VPS13D: variants seen among roughly 807,000 people sequenced by gnomAD.
VPS13D encodes the protein vacuolar protein sorting 13 homolog D.
Under a neutral mutation model 461.9 loss-of-function variants are expected in VPS13D, and 187 were observed. The observed-to-expected ratio is 0.40, with a 90% CI of 0.36 to 0.46. VPS13D has a LOEUF of 0.46. VPS13D is among the 20% of genes least tolerant of loss of function. VPS13D has a pLI of 0.60. For missense variants in VPS13D, 4,711 were observed against 5,364.9 expected (o/e 0.88, Z 3.81); for synonymous variants, 1,951 against 1,986.3 (o/e 0.98, Z 0.47).
rs140680709 is a variant in VPS13D, at chr1:12,477,518, C to G, written c.12662+17122C>G. Among the ~76,000 whole-genome samples, 665 of 152,278 alleles carry G rather than the reference C, an allele frequency of 4.4e-3. 3 individuals are homozygous for G. Among genetic ancestry groups the G allele is most frequent in the African/African-American group, 0.015 (631 of 41,560 alleles). Reference sequence around the variant, plus strand: ...TCTGTAGTGAGTTGTAAATGTGCCACTCTAGAACATTCCAGGAAAGCCCTC... The same window carrying G: ...TCTGTAGTGAGTTGTAAATGTGCCAGTCTAGAACATTCCAGGAAAGCCCTC... On this transcript the variant is annotated intron_variant, in intron 67 of 69. Coordinates refer to ENST00000620676, the MANE Select transcript of VPS13D (RefSeq NM_015378.4).
At chr1:12,431,127 A>G (rs1409946418) in intron 65 of VPS13D, among the ~76,000 whole-genome samples, 1 of 152,246 alleles carries the variant, frequency 6.6e-6, no homozygotes, top group Non-Finnish European at 1.5e-5. Flanking sequence ...CCTAGTTTTA[A>G]TAATATTTCA....
At chr1:12,451,211 C>T (rs568279530) in intron 65 of VPS13D, among the ~76,000 whole-genome samples, 1 of 152,338 alleles carries the variant, frequency 6.6e-6, no homozygotes, top group African/African-American at 2.4e-5. Flanking sequence ...GCCCCAAACC[C>T]AGGCTAATTT....
intron 56 of VPS13D, 42 bp from the exon 57 acceptor site, chr1:12,379,446 G>T: frequency 1.3e-6 from 2 of 1,576,246 alleles, no homozygotes; most frequent in South Asian, 2.3e-5. Flanking sequence ...TGAAACAGTT[G>T]ACTCGGAGGT....
At chr1:12,230,397 C>T (rs868083651) in intron 1 of VPS13D, among the ~76,000 whole-genome samples, 1 of 152,124 alleles carries the variant, frequency 6.6e-6, no homozygotes, top group Non-Finnish European at 1.5e-5. Context: ...AGGCTCGGGG[C>T]TGGCTGAACC....
Position 12,321,821 on chromosome 1 carries a change from C to T in VPS13D, c.7561C>T (p.Arg2521Ter), listed in dbSNP as rs2101530038. 3.1e-6 allele frequency: 5 copies of T among 1,599,064 alleles called. No homozygotes were observed. Among genetic ancestry groups the T allele is most frequent in the Non-Finnish European group, 4.3e-6 (5 of 1,175,638 alleles). Residue 2521 changes from arginine to a stop codon, truncating the protein, a stop_gained, in exon 33 of 70, where the codon CGA (arginine) becomes TGA (stop). Coordinates refer to ENST00000620676, the MANE Select transcript of VPS13D (RefSeq NM_015378.4). LOFTEE classifies it high-confidence loss of function. ...TTTCATTCTGTAGGTGTTTTCATGC[C>T]GACTAGGGAATGAGCATGATACAGC... ...SLFGIEVFSC[R>*]LGNEHDTALS...
rs753859871 is a variant in VPS13D at position 12,283,753 on chromosome 1, T to C, written c.5634+17T>C. 6.3e-7 allele frequency: 1 copy of C among 1,596,062 alleles called. No homozygotes were observed. The highest frequency in any genetic ancestry group is 8.5e-7 in the Non-Finnish European group (1 of 1,169,964). ...GATCTCAAGGTATCCTCAGTTCCCT[T>C]TGGCTCCCTTAAGCTCTAAAAATGG... is the stretch of plus-strand genomic sequence containing the variant. On this transcript the variant is annotated intron_variant, in intron 21 of 69. Transcript: ENST00000620676.
chr1:12,243,816 A>G (rs936588652), intron 3 of VPS13D, among the ~76,000 whole-genome samples: 12 of 152,192 alleles, frequency 7.9e-5, no homozygotes, highest in Admixed American at 7.2e-4. Flanking sequence ...GGGTATGTTC[A>G]AGATTGAATA....
intron 35 of VPS13D, among the ~76,000 whole-genome samples, chr1:12,324,540 C>T (rs1643129939): frequency 2.6e-5 from 4 of 152,120 alleles, no homozygotes; most frequent in Admixed American, 2.0e-4. Context: ...TGACTGGGTT[C>T]AGATCCTTAC....
chr1:12,305,428 T>A (rs1025902202), intron 26 of VPS13D, among the ~76,000 whole-genome samples: 2 of 151,876 alleles, frequency 1.3e-5, no homozygotes, highest in Non-Finnish European at 2.9e-5. Context: ...GCATGTGTCA[T>A]CACGCTCAGC....
Position 12,328,562 on chromosome 1 carries a change from C to T in VPS13D, c.8197+708C>T, listed in dbSNP as rs1042484829. Among the ~76,000 whole-genome samples, 26 of 151,656 alleles carry T rather than the reference C, an allele frequency of 1.7e-4. 1 individual carries two copies. Among genetic ancestry groups the T allele is most frequent in the East Asian group, 7.8e-4 (4 of 5,156 alleles). On this transcript the variant is annotated intron_variant, in intron 36 of 69. Coordinates refer to ENST00000620676, the MANE Select transcript of VPS13D (RefSeq NM_015378.4). ...GTTGAGGTCTTTTTTTTTTATGAGA[C>T]GGAGTTTCGCTCTTGTTGCCCAGGC...
chr1:12,341,937 TTG>T (rs749533790), intron 41 of VPS13D, 52 bp downstream of exon 41: 1 of 1,581,690 alleles, frequency 6.3e-7, no homozygotes, highest in African/African-American at 1.3e-5. Flanking sequence ...CAAAGCCTTC[TTG>T]TGCCAGCCCA....
At chr1:12,283,781 T>C in intron 21 of VPS13D, 45 bp downstream of exon 21, 2 of 1,528,418 alleles carry the variant, frequency 1.3e-6, no homozygotes, top group Non-Finnish European at 8.8e-7. Flanking sequence ...AAAAATGGAT[T>C]TGGGCTTGTT....
intron 35 of VPS13D, among the ~76,000 whole-genome samples, chr1:12,326,081 G>T (rs1643175067): frequency 6.7e-6 from 1 of 148,954 alleles, no homozygotes; most frequent in Non-Finnish European, 1.5e-5. Context: ...GCCAATTTAT[G>T]TGTGAAAAGG....
intron 68 of VPS13D, among the ~76,000 whole-genome samples, chr1:12,500,502 G>T (rs1229476093): frequency 6.6e-6 from 1 of 151,934 alleles, no homozygotes; most frequent in African/African-American, 2.4e-5. Context: ...CACCAGGCTG[G>T]TGAGCAGTAG....
intron 42 of VPS13D, among the ~76,000 whole-genome samples, chr1:12,344,482 G>A (rs1233868252): frequency 2.0e-5 from 3 of 152,178 alleles, no homozygotes; most frequent in African/African-American, 7.2e-5. Flanking sequence ...TAAGAGCAGT[G>A]AGCATTTTCC....
intron 65 of VPS13D, among the ~76,000 whole-genome samples, chr1:12,420,904 C>G (rs1644854394): frequency 6.6e-6 from 1 of 152,058 alleles, no homozygotes; most frequent in Admixed American, 6.5e-5. Flanking sequence ...GATAATAGAC[C>G]TGTAGGGTTT....
intron 13 of VPS13D, 32 bp downstream of exon 13, chr1:12,262,112 G>C (rs1641128077): frequency 3.2e-6 from 5 of 1,584,762 alleles, no homozygotes; most frequent in South Asian, 1.1e-5. Flanking sequence ...ACCTGCCACT[G>C]TTGTCTCTCT....
chr1:12,482,241 A>T (rs1645728268), intron 67 of VPS13D, among the ~76,000 whole-genome samples: 1 of 152,148 alleles, frequency 6.6e-6, no homozygotes, highest in Non-Finnish European at 1.5e-5. Context: ...TGGTCAACTG[A>T]TGGCCCTTTA....
At chr1:12,380,040 A>G (rs1644252631) in intron 57 of VPS13D, among the ~76,000 whole-genome samples, 1 of 152,178 alleles carries the variant, frequency 6.6e-6, no homozygotes, top group Non-Finnish European at 1.5e-5. Context: ...AAGTGCTGGG[A>G]TTACAGGCGT....
Sources: allele counts gnomAD v4.1 joint callset (sites outside exome capture counted in the v4.1 genomes callset), GRCh38; gene constraint gnomAD v4.1.1; transcripts MANE v1.5; gene names NCBI Gene and HGNC (gene_info 2026-07-23, HGNC 2026-07-21).